Variants in MYO5B observed in about 807,000 individuals in gnomAD.
The protein encoded by MYO5B is unconventional myosin-Vb.
Under a neutral mutation model 229.3 loss-of-function variants are expected in MYO5B, and 143 were observed. That is an observed-to-expected ratio of 0.62 (90% CI 0.54 to 0.72). The LOEUF is 0.72. Among genes scored for constraint, MYO5B ranks in the 30% least tolerant of loss-of-function variants. The pLI, the probability that MYO5B is intolerant of heterozygous loss-of-function variation, is 0.00. For synonymous variants in MYO5B, 918 were observed against 885.2 expected, an observed-to-expected ratio of 1.04 and a Z score of -0.66; for missense variants, 2,321 against 2,331.0, an observed-to-expected ratio of 1.00 and a Z score of 0.09.
intron 1 of MYO5B, among the ~76,000 whole-genome samples, chr18:50,077,939 G>A (rs2031127288): frequency 6.6e-6 from 1 of 152,160 alleles, no homozygotes. Context: ...CACAAGAACT[G>A]CACATCCTAT....
At chr18:49,880,277 A>T in intron 23 of MYO5B, 94 bp downstream of exon 23, 2 of 1,026,808 alleles carry the variant, frequency 1.9e-6, no homozygotes, top group Non-Finnish European at 3.1e-6. Context: ...TGTAGCCTCT[A>T]GTCTAACTGC....
intron 1 of MYO5B, among the ~76,000 whole-genome samples, chr18:50,079,194 C>T (rs1281575702): frequency 1.3e-5 from 2 of 152,240 alleles, no homozygotes; most frequent in African/African-American, 4.8e-5. Flanking sequence ...TAGATATACA[C>T]TTATGTGTTT....
At chr18:49,899,672 T>A (rs991296697) in intron 21 of MYO5B, among the ~76,000 whole-genome samples, 1 of 152,158 alleles carries the variant, frequency 6.6e-6, no homozygotes, top group Non-Finnish European at 1.5e-5. Flanking sequence ...AGTTTCTTCA[T>A]CCTTAAAATG....
intron 2 of MYO5B, among the ~76,000 whole-genome samples, chr18:50,044,731 T>C (rs987235552): frequency 6.6e-6 from 1 of 152,194 alleles, no homozygotes; most frequent in Non-Finnish European, 1.5e-5. Flanking sequence ...CACTAGCCAC[T>C]GTTAATACAA....
intron 14 of MYO5B, among the ~76,000 whole-genome samples, chr18:49,938,595 C>G (rs976604915): frequency 6.6e-6 from 1 of 152,068 alleles, no homozygotes; most frequent in Non-Finnish European, 1.5e-5. Context: ...TCCTTTAACC[C>G]CCACTTAAGT....
At chr18:50,118,021 C>T (rs1317279033) in intron 1 of MYO5B, among the ~76,000 whole-genome samples, 2 of 152,164 alleles carry the variant, frequency 1.3e-5, no homozygotes, top group South Asian at 4.1e-4. Flanking sequence ...AAGTGGATGA[C>T]AGCCATACAT....
At chr18:49,895,449 G>A (rs2024767699) in intron 21 of MYO5B, among the ~76,000 whole-genome samples, 2 of 152,222 alleles carry the variant, frequency 1.3e-5, no homozygotes, top group Non-Finnish European at 2.9e-5. Context: ...AAGCTGCCTG[G>A]TAGCAGGTGG....
chr18:50,137,149 C>A (rs576156634), intron 1 of MYO5B, among the ~76,000 whole-genome samples: 1 of 152,150 alleles, frequency 6.6e-6, no homozygotes, highest in Non-Finnish European at 1.5e-5. Flanking sequence ...ACAGTGGCCA[C>A]GAGGGCAGTT....
chr18:49,991,720 T>C (rs956383632), intron 6 of MYO5B, among the ~76,000 whole-genome samples: 10 of 152,226 alleles, frequency 6.6e-5, no homozygotes, highest in African/African-American at 2.2e-4. Flanking sequence ...AAATACCTAA[T>C]GTAGATGATG....
At position 49,906,459 on chromosome 18, in the gene MYO5B, A is replaced by T; in HGVS notation, c.2374T>A (p.Leu792Ile). Residue 792 changes from leucine to isoleucine, a missense_variant, in exon 19 of 40, where the codon TTA (leucine) becomes ATA (isoleucine). Transcript: ENST00000285039. ...CCCCGGCAGTACCTCTGCAGGGTTA[A>T]GGTAGCCCCCTTCAGCCTGTGATAT... ...VKYHRLKGAT[L>I]TLQRYCRGHL... 1 of 1,614,142 alleles carries T rather than the reference A, an allele frequency of 6.2e-7. No homozygotes were observed. Among genetic ancestry groups the T allele is most frequent in the Non-Finnish European group, 8.5e-7 (1 of 1,180,022 alleles).
intron 1 of MYO5B, among the ~76,000 whole-genome samples, chr18:50,184,877 C>CAT (rs2144354192): frequency 2.8e-5 from 1 of 36,294 alleles, no homozygotes; most frequent in South Asian, 4.9e-4. Context: ...TATCTCTACA[C>CAT]ACACACACAC....
chr18:49,880,598 G>A, intron 22 of MYO5B, 143 bp from the exon 23 acceptor site: 1 of 739,658 alleles, frequency 1.4e-6, no homozygotes, highest in Non-Finnish European at 2.4e-6. Context: ...TTGTTTTCAA[G>A]GAAAAATTGT....
At chr18:49,925,746 G>A (rs571033147) in intron 17 of MYO5B, among the ~76,000 whole-genome samples, 88 of 152,308 alleles carry the variant, frequency 5.8e-4, no homozygotes, top group Non-Finnish European at 9.0e-4. Context: ...AAGTAGCTCC[G>A]CAGCTCCCTA....
chr18:50,112,290 G>A (rs1438735439), intron 1 of MYO5B, among the ~76,000 whole-genome samples: 1 of 152,156 alleles, frequency 6.6e-6, no homozygotes, highest in Non-Finnish European at 1.5e-5. Flanking sequence ...AACCAACAAA[G>A]CAACTGCATC....
intron 14 of MYO5B, among the ~76,000 whole-genome samples, chr18:49,942,685 G>A (rs2025330410): frequency 6.6e-6 from 1 of 151,512 alleles, no homozygotes; most frequent in Non-Finnish European, 1.5e-5. Flanking sequence ...ACACCAGTTA[G>A]AATGGCGATC....
intron 27 of MYO5B, among the ~76,000 whole-genome samples, chr18:49,870,873 A>G (rs2024448902): frequency 6.6e-6 from 1 of 152,212 alleles, no homozygotes; most frequent in Non-Finnish European, 1.5e-5. Flanking sequence ...GCTGCTATGG[A>G]AAACAGTATA....
intron 1 of MYO5B, among the ~76,000 whole-genome samples, chr18:50,160,062 C>T (rs56677185): frequency 0.11 from 16,836 of 152,312 alleles, 1,065 homozygotes; most frequent in South Asian, 0.21. Context: ...TCCCCTCTGT[C>T]CATGGGACCA....
intron 22 of MYO5B, among the ~76,000 whole-genome samples, chr18:49,887,616 T>A (rs1021838098): frequency 6.6e-6 from 1 of 152,130 alleles, no homozygotes; most frequent in Non-Finnish European, 1.5e-5. Context: ...GCACTACACT[T>A]CCTGTACAGA....
At chr18:50,183,413 A>C (rs6507967) in intron 1 of MYO5B, among the ~76,000 whole-genome samples, 75,460 of 148,700 alleles carry the variant, frequency 0.51, 19,148 homozygotes, top group Admixed American at 0.6. Flanking sequence ...TCTCTAAAGC[A>C]CATTAAATGA....
Sources: gnomAD v4.1 joint callset for allele counts (sites outside exome capture counted in the v4.1 genomes callset) on GRCh38, gnomAD v4.1.1 for gene constraint, MANE v1.5 for transcripts, NCBI Gene and HGNC (gene_info 2026-07-23, HGNC 2026-07-21) for gene names.